The following DFFA variants were observed in gnomAD, a reference collection of about 807,000 sequenced individuals.
The protein encoded by DFFA is DFF45.
DFFA carries 14 observed loss-of-function variants against 28.0 expected under a neutral mutation model. The observed-to-expected ratio is 0.50, with a 90% CI of 0.33 to 0.78. The LOEUF is 0.78. DFFA is among the 30% of genes least tolerant of loss of function. The probability of loss-of-function intolerance (pLI) is 0.02; values close to 1 mark genes in which losing one functional copy is unlikely to be tolerated. For missense variants in DFFA, 395 were observed against 407.1 expected (o/e 0.97, Z 0.26); for synonymous variants, 158 against 170.3 (o/e 0.93, Z 0.56).
Position 10,467,209 on chromosome 1 carries a change from A to G in DFFA, c.422T>C (p.Leu141Pro), listed in dbSNP as rs1252060866. The change falls in exon 3 of 6, where the codon CTA (leucine) becomes CCA (proline). Residue 141 changes from leucine (L) to proline (P), a missense_variant. Leu to Pro is a moderately conservative substitution (Grantham distance 98, BLOSUM62 -3). Transcript: ENST00000377038. ...LKEDLSSIIL[L>P]SEEDLQMLVD... ...CTTTACCTGGAGGTCCTCCTCTGAT[A>G]GGAGGATGATGCTGGACAGATCTTC... 4 of 1,614,014 alleles carry G rather than the reference A, an allele frequency of 2.5e-6. No homozygotes were observed. In the African/African-American group the frequency reaches 5.3e-5, roughly 22 times the overall value.
chr1:10,461,396 G>A lies in DFFA; in HGVS notation c.*94C>T. ...TCTGGAAGGTGCTCTAAGGCAGGGG[G>A]TAGAGTAGTACATAGGTAGTCAAAT... On this transcript the variant is annotated 3_prime_UTR_variant, in exon 6 of 6. Coordinates refer to ENST00000377038, the MANE Select transcript of DFFA (RefSeq NM_004401.3). The A allele has an allele frequency of 1.7e-5, 25 of 1,491,206 alleles. No individual in the cohort carries two copies. Among genetic ancestry groups the A allele is most frequent in the Non-Finnish European group, 2.2e-5 (25 of 1,114,250 alleles). The allele number at this position is 1,491,206 out of a possible 1,614,324, so 92.4% of individuals were successfully genotyped here. A position where few individuals can be genotyped will look rare whatever the true frequency, so the allele number is the denominator to read the frequency against.
intron 1 of DFFA, among the ~76,000 whole-genome samples, chr1:10,469,665 C>G (rs1257323793): frequency 2.0e-5 from 3 of 152,038 alleles, no homozygotes. Context: ...GGATTATAGG[C>G]GTGCACCACC....
At chr1:10,463,307 C>A in intron 4 of DFFA, 98 bp from the exon 5 acceptor site, 1 of 1,554,254 alleles carries the variant, frequency 6.4e-7, no homozygotes, top group Non-Finnish European at 8.7e-7. Flanking sequence ...GAGAAACGTG[C>A]CCGTCCCGCA....
At chr1:10,467,947 C>CT (rs897327965) in intron 2 of DFFA, among the ~76,000 whole-genome samples, 14 of 152,128 alleles carry the variant, frequency 9.2e-5, no homozygotes, top group Non-Finnish European at 1.6e-4. Context: ...CAGGTGTGTC[C>CT]TGTTTTTTAT....
intron 3 of DFFA, among the ~76,000 whole-genome samples, chr1:10,465,899 C>T (rs1051153959): frequency 6.6e-6 from 1 of 151,484 alleles, no homozygotes; most frequent in African/African-American, 2.4e-5. Context: ...AACTCCTGAA[C>T]TCAGGCAATC....
Position 10,463,173 on chromosome 1 carries a change from A to G in DFFA, c.668T>C (p.Val223Ala). The change falls in exon 5 of 6, where the codon GTA (valine) becomes GCA (alanine). Residue 223 changes from valine to alanine, a missense_variant. Coordinates refer to ENST00000377038, the MANE Select transcript of DFFA (RefSeq NM_004401.3). ...GGTCTCTCTGCTGATACCCGTGTCTACTGCATCCACCTCCTCACCAAAGGC... is the reference window on the plus strand; with the variant it reads ...GGTCTCTCTGCTGATACCCGTGTCTGCTGCATCCACCTCCTCACCAAAGGC... Reference protein sequence around the residue: ...KAAFGEEVDAVDTGISRETSS... With the variant: ...KAAFGEEVDAADTGISRETSS... 5.6e-6 allele frequency: 9 copies of G among 1,614,114 alleles called. No individual in the cohort carries two copies. The highest frequency in any genetic ancestry group is 7.6e-6 in the Non-Finnish European group (9 of 1,180,014).
intron 1 of DFFA, among the ~76,000 whole-genome samples, chr1:10,470,862 A>G (rs1417814723): frequency 6.7e-6 from 1 of 150,122 alleles, no homozygotes; most frequent in Non-Finnish European, 1.5e-5. Context: ...GGCAATCGAG[A>G]CCATCCTGGC....
rs375656224 is a variant in DFFA, at chr1:10,461,641, G to A, written c.845C>T (p.Thr282Met). ...AVALNWDIKKTETVQEACERE... is the reference protein window; with the variant it reads ...AVALNWDIKKMETVQEACERE... ...CTCACAGGCCTCCTGAACAGTCTCC[G>A]TCTTCTTTATGTCCCAGTTCAAGGC... The change falls in exon 6 of 6, where the codon ACG (threonine) becomes ATG (methionine). Residue 282 changes from threonine to methionine, a missense_variant. Physicochemically the swap from Thr to Met is moderately conservative, Grantham distance 81. Transcript: ENST00000377038. 33 of 1,614,118 alleles carry A rather than the reference G, an allele frequency of 2.0e-5. No individual in the cohort carries two copies. The highest frequency in any genetic ancestry group is 7.7e-5 in the South Asian group (7 of 91,088).
chr1:10,470,566 A>T (rs1056354990), intron 1 of DFFA, among the ~76,000 whole-genome samples: 4 of 150,370 alleles, frequency 2.7e-5, no homozygotes, highest in African/African-American at 9.8e-5. Flanking sequence ...CTGGGATTAC[A>T]GGCGCCCACC....
chr1:10,465,992 A>G lies in DFFA; in HGVS notation c.441+1198T>C, dbSNP rs535690485. Among the ~76,000 whole-genome samples, 36 of 151,196 alleles carry G rather than the reference A, an allele frequency of 2.4e-4. No homozygotes were observed. The East Asian group carries it at 4.3e-3, about 18-fold the overall frequency. On this transcript the variant is annotated intron_variant, in intron 3 of 5. Coordinates refer to ENST00000377038, the MANE Select transcript of DFFA (RefSeq NM_004401.3). ...CTACAAAAATTAAAAAAAAAAAAAA[A>G]GAAAAAATAGCGCAGTGTGGTGGTG...
intron 1 of DFFA, among the ~76,000 whole-genome samples, chr1:10,471,062 CAAAAAA>C (rs59465527): frequency 1.0e-4 from 10 of 96,520 alleles, no homozygotes; most frequent in Admixed American, 2.6e-4. Flanking sequence ...CACTCCGTCT[CAAAAAA>C]AAAAAAAAAA....
chr1:10,461,537 G>A lies in DFFA; in HGVS notation c.949C>T (p.Pro317Ser). 1 of 1,614,078 alleles carries A rather than the reference G, an allele frequency of 6.2e-7. No individual in the cohort carries two copies. Among genetic ancestry groups the A allele is most frequent in the Admixed American group, 1.7e-5 (1 of 60,020 alleles). The change falls in exon 6 of 6, where the codon CCT becomes TCT. Residue 317 changes from proline (P) to serine (S), a missense_variant. Physicochemically the swap from Pro to Ser is moderately conservative, Grantham distance 74 (BLOSUM62 -1). Coordinates refer to ENST00000377038, the MANE Select transcript of DFFA (RefSeq NM_004401.3). ...CGCTTAGGATTCTGCAGGTCACCAG[G>A]TGGTGAGGCCTTGCTTGCTGAGATG... Reference protein sequence around the residue: ...RSISASKASPPGDLQNPKRAR... With the variant: ...RSISASKASPSGDLQNPKRAR...
At chr1:10,466,011 G>A (rs183679605) in intron 3 of DFFA, among the ~76,000 whole-genome samples, 1 of 151,890 alleles carries the variant, frequency 6.6e-6, no homozygotes, top group African/African-American at 2.4e-5. Context: ...AGCGCAGTGT[G>A]GTGGTGCAAG....
At chr1:10,470,975 A>C in intron 1 of DFFA, among the ~76,000 whole-genome samples, 1 of 146,726 alleles carries the variant, frequency 6.8e-6, no homozygotes, top group South Asian at 2.2e-4. Context: ...AAGCAGGAGA[A>C]TGGAGTGAAC....
chr1:10,471,929 C>T (rs902332951), intron 1 of DFFA, among the ~76,000 whole-genome samples: 6 of 152,134 alleles, frequency 3.9e-5, no homozygotes, highest in Non-Finnish European at 8.8e-5. Flanking sequence ...AGGTTCCTGC[C>T]AGAGCGGACG....
rs1391077108 is a variant in DFFA at position 10,466,061 on chromosome 1, TG to T, written c.441+1128del. ...TACCTGAGAGGTTGAGGTGGGAGGA[TG>T]GCTTGAGCCCAGGAAGTCGAGGATG... On this transcript the variant is annotated intron_variant, in intron 3 of 5. Coordinates refer to ENST00000377038, the MANE Select transcript of DFFA (RefSeq NM_004401.3). Among the ~76,000 whole-genome samples, 18 of 151,862 alleles carry T rather than the reference TG, an allele frequency of 1.2e-4. No homozygotes were observed. The East Asian group carries it at 3.3e-3, about 28-fold the overall frequency.
At position 10,470,640 on chromosome 1, in the gene DFFA, T is replaced by G. The variant is rs531601067; in HGVS notation, c.137-1302A>C. On this transcript the variant is annotated intron_variant, in intron 1 of 5. Transcript: ENST00000377038. ...CGGGGTTTCACCGTGTTAGCCAGGA[T>G]GGTCTCGATCTCCTGACCTCGTGAT... Among the ~76,000 whole-genome samples the G allele has an allele frequency of 5.8e-3, 869 of 150,234 alleles. 9 individuals carry two copies. The highest frequency in any genetic ancestry group is 9.1e-3 in the Non-Finnish European group (610 of 67,342).
chr1:10,469,209 G>A lies in DFFA; in HGVS notation c.266C>T (p.Ala89Val), dbSNP rs1467838084. The A allele has an allele frequency of 1.2e-6, 2 of 1,614,108 alleles. No homozygotes were observed. Among genetic ancestry groups the A allele is most frequent in the Non-Finnish European group, 8.5e-7 (1 of 1,180,014 alleles). Residue 89 changes from alanine to valine, a missense_variant, in exon 2 of 6, where the codon GCT becomes GTT. By Grantham distance (64) the Ala-to-Val change is moderately conservative (BLOSUM62 0). Transcript: ENST00000377038. ...LPSNTKFVAL[A>V]SNEKWAYNNS... ...GTTGTATGCCCATTTCTCATTACTAGCCAATGCCACAAACTTAGTATTGGA... is the reference window on the plus strand; with the variant it reads ...GTTGTATGCCCATTTCTCATTACTAACCAATGCCACAAACTTAGTATTGGA...
rs1220590009 is a variant in DFFA at position 10,462,351 on chromosome 1, C to T, written c.784-649G>A. The T allele has an allele frequency of 3.0e-5, 25 of 836,226 alleles. No homozygotes were observed. The East Asian group carries it at 3.7e-4, about 12-fold the overall frequency. 51.8% of individuals were successfully genotyped at this position (836,226 alleles called of 1,614,324 possible). Reference sequence around the variant, plus strand: ...TTCGCCATGTTGGTCAGGCTGGTCTCGAACTCCTGACCTCAGGTGATCCAC... The same window carrying T: ...TTCGCCATGTTGGTCAGGCTGGTCTTGAACTCCTGACCTCAGGTGATCCAC... On this transcript the variant is annotated intron_variant, in intron 5 of 5. Coordinates refer to ENST00000377038, the MANE Select transcript of DFFA (RefSeq NM_004401.3).
Sources: allele counts gnomAD v4.1 joint callset (sites outside exome capture counted in the v4.1 genomes callset), GRCh38; gene constraint gnomAD v4.1.1; transcripts MANE v1.5; gene names NCBI Gene and HGNC (gene_info 2026-07-23, HGNC 2026-07-21).